Variants in TMEM200A observed in about 807,000 individuals in gnomAD.
The protein encoded by TMEM200A is two transmembrane C.
TMEM200A carries 12 observed loss-of-function variants against 24.3 expected under a neutral mutation model. The observed-to-expected ratio is 0.49, with a 90% CI of 0.32 to 0.80. The LOEUF (loss-of-function observed/expected upper bound fraction) is 0.80. TMEM200A is among the 30% of genes least tolerant of loss of function. The probability of loss-of-function intolerance (pLI) is 0.04; values close to 1 mark genes in which losing one functional copy is unlikely to be tolerated. For missense variants in TMEM200A, 545 were observed against 614.4 expected, an observed-to-expected ratio of 0.89 and a Z score of 1.19; for synonymous variants, 224 against 224.4, an observed-to-expected ratio of 1.00 and a Z score of 0.02.
chr6:130,368,549 A>G (rs1322945026), intron 1 of TMEM200A, among the ~76,000 whole-genome samples: 1 of 152,204 alleles, frequency 6.6e-6, no homozygotes, highest in Non-Finnish European at 1.5e-5. Flanking sequence ...AGTTTTATCA[A>G]GCAGATCCAC....
chr6:130,371,690 T>A (rs1423266584), intron 1 of TMEM200A, among the ~76,000 whole-genome samples: 2 of 152,150 alleles, frequency 1.3e-5, no homozygotes, highest in African/African-American at 4.8e-5. Context: ...CATGCATCCA[T>A]TCTGGATTTA....
intron 2 of TMEM200A, chr6:130,420,957 C>CTCAAG (rs1367277316): frequency 6.6e-6 from 1 of 152,162 alleles, no homozygotes; most frequent in African/African-American, 2.4e-5. Context: ...AGACTGCTGC[C>CTCAAG]TCAAGTCATG....
At chr6:130,396,833 A>G (rs1778965820) in intron 2 of TMEM200A, among the ~76,000 whole-genome samples, 1 of 152,154 alleles carries the variant, frequency 6.6e-6, no homozygotes, top group Non-Finnish European at 1.5e-5. Context: ...CTTTTTAAGA[A>G]ATAAAATGAG....
chr6:130,387,100 C>T (rs770785512), intron 2 of TMEM200A, among the ~76,000 whole-genome samples: 2 of 152,082 alleles, frequency 1.3e-5, no homozygotes, highest in South Asian at 4.2e-4. Context: ...CATTTTGTGA[C>T]AATATGTGTT....
rs1248419049 is a variant in TMEM200A at position 130,366,611 on chromosome 6, G to GCCCTC, written c.-81+99_-81+103dup. 3.1e-6 allele frequency: 3 copies of GCCCTC among 970,008 alleles called. No homozygotes were observed. The highest frequency in any genetic ancestry group is 3.7e-6 in the Non-Finnish European group (3 of 815,954). 60.1% of individuals were successfully genotyped at this position (970,008 alleles called of 1,614,324 possible). On this transcript the variant is annotated intron_variant, in intron 1 of 2. Coordinates refer to ENST00000296978, the MANE Select transcript of TMEM200A (RefSeq NM_001258277.2). The surrounding 1 kb of genome is among the most constrained non-coding windows in gnomAD (Gnocchi z 4.4). The stretch of plus-strand genomic sequence containing the variant: ...AAACCGGGCACTTCTTCAGCCCTCT[G>GCCCTC]CCCTCCCCTCCCCTCCGCTACAGCC...
chr6:130,430,604 G>A (rs1002978916), intron 2 of TMEM200A, among the ~76,000 whole-genome samples: 2 of 151,856 alleles, frequency 1.3e-5, no homozygotes, highest in African/African-American at 2.4e-5. Flanking sequence ...TACCATTAAG[G>A]TTTCATCCAT....
rs1562576253 is a variant in TMEM200A, at chr6:130,440,978, AC to A, written c.557del (p.Thr186MetfsTer3). 1 of 1,614,118 alleles carries A rather than the reference AC, an allele frequency of 6.2e-7. No homozygotes were observed. The highest frequency in any genetic ancestry group is 8.5e-7 in the Non-Finnish European group (1 of 1,180,002). ...KEQRQMNGMYTGLMGETEVKQ... is the reference protein window; with the variant it reads ...KEQRQMNGMYXGLMGETEVKQ... ...GCAAAGGCAAATGAACGGCATGTACACTGGTTTGATGGGAGAAACAGAAGTA... is the reference window on the plus strand; with the variant it reads ...GCAAAGGCAAATGAACGGCATGTACATGGTTTGATGGGAGAAACAGAAGTA... On this transcript the variant is annotated frameshift_variant, in exon 3 of 3. Coordinates refer to ENST00000296978, the MANE Select transcript of TMEM200A (RefSeq NM_001258277.2). LOFTEE classifies it high-confidence loss of function.
chr6:130,406,978 T>C (rs544123887), intron 2 of TMEM200A, among the ~76,000 whole-genome samples: 34 of 152,338 alleles, frequency 2.2e-4, no homozygotes, highest in African/African-American at 7.7e-4. Context: ...AAATGTTAAA[T>C]GTAAACCTTA....
At chr6:130,383,159 C>T (rs1415048386) in intron 1 of TMEM200A, 3 of 672,114 alleles carry the variant, frequency 4.5e-6, no homozygotes, top group Non-Finnish European at 5.5e-6. Context: ...TCCGTAGCAT[C>T]GGGCAAGACA....
At chr6:130,377,185 T>C (rs1778478363) in intron 1 of TMEM200A, among the ~76,000 whole-genome samples, 1 of 152,120 alleles carries the variant, frequency 6.6e-6, no homozygotes, top group African/African-American at 2.4e-5. Flanking sequence ...TGCAATAAGA[T>C]GATATATGGG....
intron 2 of TMEM200A, among the ~76,000 whole-genome samples, chr6:130,385,903 A>G (rs1055069638): frequency 3.3e-5 from 5 of 152,200 alleles, no homozygotes; most frequent in African/African-American, 7.2e-5. Context: ...TGAGAAAACG[A>G]TCCTTAAGTT....
chr6:130,422,821 A>AAACTT (rs1779631661), intron 2 of TMEM200A, among the ~76,000 whole-genome samples: 2 of 152,212 alleles, frequency 1.3e-5, no homozygotes, highest in African/African-American at 4.8e-5. Context: ...ACTATTTAAA[A>AAACTT]AACTTATATG....
Position 130,383,077 on chromosome 6 carries a change from A to G in TMEM200A, c.-80-2096A>G, listed in dbSNP as rs922006563. On this transcript the variant is annotated intron_variant, in intron 1 of 2. Coordinates refer to ENST00000296978, the MANE Select transcript of TMEM200A (RefSeq NM_001258277.2). Reference sequence around the variant, plus strand: ...TGACTCCTCCTCATGGCCTACATCTATTTGCTCAGGCATTATTAAATTTGT... The same window carrying G: ...TGACTCCTCCTCATGGCCTACATCTGTTTGCTCAGGCATTATTAAATTTGT... The G allele has an allele frequency of 9.1e-6, 9 of 985,054 alleles. No individual in the cohort carries two copies. The African/African-American group carries it at 1.4e-4, about 15-fold the overall frequency. 61.0% of individuals were successfully genotyped at this position (985,054 alleles called of 1,614,324 possible). A position where few individuals can be genotyped will look rare whatever the true frequency, so the allele number is the denominator to read the frequency against.
intron 2 of TMEM200A, among the ~76,000 whole-genome samples, chr6:130,404,732 A>G (rs1015529597): frequency 6.6e-6 from 1 of 152,110 alleles, no homozygotes; most frequent in African/African-American, 2.4e-5. Flanking sequence ...CGTCTTTGTC[A>G]TGGAATCTTT....
chr6:130,439,150 A>G (rs922871511), intron 2 of TMEM200A: 5 of 152,252 alleles, frequency 3.3e-5, no homozygotes, highest in Admixed American at 2.6e-4. Context: ...AGAATATTTT[A>G]TCATTATTCT....
At position 130,412,092 on chromosome 6, in the gene TMEM200A, C is replaced by G. The variant is rs574244204; in HGVS notation, c.-17+26856C>G. Among the ~76,000 whole-genome samples the G allele has an allele frequency of 1.8e-4, 25 of 135,842 alleles. No individual in the cohort carries two copies. In the East Asian group the frequency reaches 4.8e-3, roughly 26 times the overall value. The allele number at this position is 135,842 out of a possible 152,430, so 89.1% of individuals were successfully genotyped here. A position where few individuals can be genotyped will look rare whatever the true frequency, so the allele number is the denominator to read the frequency against. ...ATACCCCATCATTTGTTGAACGTTT[C>G]CTTGGCTTTTTTTTTTTTTTGGCAC... On this transcript the variant is annotated intron_variant, in intron 2 of 2. Coordinates refer to ENST00000296978, the MANE Select transcript of TMEM200A (RefSeq NM_001258277.2).
chr6:130,369,008 T>C (rs978133512), intron 1 of TMEM200A, among the ~76,000 whole-genome samples: 4 of 152,156 alleles, frequency 2.6e-5, no homozygotes, highest in Non-Finnish European at 5.9e-5. Flanking sequence ...TGTGTGTGTG[T>C]AGGAGGGTGG....
At chr6:130,386,025 T>G (rs1175304649) in intron 2 of TMEM200A, among the ~76,000 whole-genome samples, 1 of 152,240 alleles carries the variant, frequency 6.6e-6, no homozygotes, top group Non-Finnish European at 1.5e-5. Flanking sequence ...TTCTCTATTC[T>G]TTATTTCACT....
intron 2 of TMEM200A, among the ~76,000 whole-genome samples, chr6:130,423,309 G>A (rs1779647633): frequency 1.3e-5 from 2 of 152,054 alleles, no homozygotes; most frequent in African/African-American, 4.8e-5. Flanking sequence ...CCAGCCATGT[G>A]TACATGTGAA....
Sources: gnomAD v4.1 joint callset for allele counts (sites outside exome capture counted in the v4.1 genomes callset) on GRCh38, gnomAD v4.1.1 for gene constraint, Gnocchi (gnomAD v3.1) non-coding constraint, MANE v1.5 for transcripts, NCBI Gene and HGNC (gene_info 2026-07-23, HGNC 2026-07-21) for gene names.